Variants in ASIC2 observed in about 807,000 individuals in gnomAD.
ASIC2 encodes acid-sensing ion channel 2.
Under a neutral mutation model 57.3 loss-of-function variants are expected in ASIC2, and 25 were observed. The ratio of observed to expected loss-of-function variants is 0.44; its 90% confidence interval spans 0.32 to 0.61. The LOEUF is 0.61. ASIC2 is among the 20% of genes least tolerant of loss of function. ASIC2 has a pLI of 0.06. For missense variants in ASIC2, 641 were observed against 738.1 expected (o/e 0.87, Z 1.52); for synonymous variants, 319 against 307.5 (o/e 1.04, Z -0.39).
intron 1 of ASIC2, chr17:33,627,201 A>G (rs1906014177): frequency 6.6e-6 from 1 of 152,228 alleles, no homozygotes; most frequent in Admixed American, 6.5e-5. Flanking sequence ...GGGTTCAGCC[A>G]TTCCAGATTC....
intron 1 of ASIC2, among the ~76,000 whole-genome samples, chr17:33,319,325 G>A (rs1319459860): frequency 3.3e-5 from 5 of 152,132 alleles, no homozygotes; most frequent in African/African-American, 1.2e-4. Flanking sequence ...CTGCTTCAAG[G>A]GTCCATAGTA....
At chr17:33,918,326 T>G (rs1915633698) in intron 1 of ASIC2, among the ~76,000 whole-genome samples, 1 of 152,238 alleles carries the variant, frequency 6.6e-6, no homozygotes, top group Non-Finnish European at 1.5e-5. Context: ...AAAAGTTAGC[T>G]TTGTAACTTG....
intron 1 of ASIC2, among the ~76,000 whole-genome samples, chr17:33,664,956 C>G (rs909675727): frequency 1.3e-5 from 2 of 152,072 alleles, no homozygotes; most frequent in Admixed American, 1.3e-4. Context: ...AAAGAAAAAG[C>G]CCAAAAAGCT....
At chr17:33,394,084 C>A (rs1309612519) in intron 1 of ASIC2, among the ~76,000 whole-genome samples, 1 of 152,180 alleles carries the variant, frequency 6.6e-6, no homozygotes, top group Non-Finnish European at 1.5e-5. Flanking sequence ...ACACTGTAAG[C>A]TTTTAATAAA....
At chr17:33,051,198 A>G (rs16967972) in intron 3 of ASIC2, among the ~76,000 whole-genome samples, 60,201 of 151,972 alleles carry the variant, frequency 0.4, 13,102 homozygotes, top group East Asian at 0.65. Flanking sequence ...GAGGACAGGC[A>G]TATCATCACC....
chr17:33,121,005 T>A (rs1253097453), intron 1 of ASIC2, among the ~76,000 whole-genome samples: 3 of 152,248 alleles, frequency 2.0e-5, no homozygotes, highest in Non-Finnish European at 4.4e-5. Flanking sequence ...ATCTCAGCAA[T>A]GCTGGTAAGA....
chr17:33,537,347 C>T (rs938871619), intron 1 of ASIC2, among the ~76,000 whole-genome samples: 1 of 152,166 alleles, frequency 6.6e-6, no homozygotes, highest in Non-Finnish European at 1.5e-5. Context: ...TAAAATATCA[C>T]CTCCTCCTAG....
At chr17:33,775,149 G>C (rs556304664) in intron 1 of ASIC2, among the ~76,000 whole-genome samples, 1 of 152,340 alleles carries the variant, frequency 6.6e-6, no homozygotes, top group African/African-American at 2.4e-5. Flanking sequence ...TGAAGAACAG[G>C]GAGGGTTAAC....
chr17:33,041,361 C>T (rs1200125449), intron 3 of ASIC2, among the ~76,000 whole-genome samples: 2 of 152,210 alleles, frequency 1.3e-5, no homozygotes, highest in Non-Finnish European at 2.9e-5. Flanking sequence ...GTCCTTCATT[C>T]AAGATGGCAG....
intron 1 of ASIC2, among the ~76,000 whole-genome samples, chr17:33,726,361 T>C (rs771536565): frequency 6.6e-6 from 1 of 152,288 alleles, no homozygotes; most frequent in South Asian, 2.1e-4. Flanking sequence ...AGTCAGCTCA[T>C]AGAACCATGA....
At chr17:33,624,084 C>T (rs1905898873) in intron 1 of ASIC2, 2 of 152,126 alleles carry the variant, frequency 1.3e-5, no homozygotes, top group African/African-American at 4.8e-5. Context: ...TTTTACTCAC[C>T]CTAGCTCCTG....
At chr17:33,882,803 T>C (rs1914736274) in intron 1 of ASIC2, among the ~76,000 whole-genome samples, 2 of 152,198 alleles carry the variant, frequency 1.3e-5, no homozygotes, top group Non-Finnish European at 2.9e-5. Context: ...TAAAGACACA[T>C]GCACACGTAT....
At chr17:33,872,554 G>T (rs755991471) in intron 1 of ASIC2, among the ~76,000 whole-genome samples, 2 of 152,148 alleles carry the variant, frequency 1.3e-5, no homozygotes, top group South Asian at 2.1e-4. Context: ...GACCTGAGCA[G>T]CAGGGGCAGC....
rs1910679115 is a variant in ASIC2, at chr17:34,099,142, G to GAC, written c.555+56835_555+56836insGT. Among the ~76,000 whole-genome samples the GAC allele has an allele frequency of 1.9e-4, 4 of 20,888 alleles. No individual in the cohort carries two copies. The East Asian group carries it at 4.8e-3, about 25-fold the overall frequency. The allele number at this position is 20,888 out of a possible 152,430, so 13.7% of individuals were successfully genotyped here. A position where few individuals can be genotyped will look rare whatever the true frequency, so the allele number is the denominator to read the frequency against. The stretch of plus-strand genomic sequence containing the variant: ...AGAGAGAGAGAGAGAGAGAGAGAGA[G>GAC]AGACAGAGAGAGAGAGAGAGAGAAA... On this transcript the variant is annotated intron_variant, in intron 1 of 9. Coordinates refer to the ASIC2 transcript ENST00000359872.
intron 1 of ASIC2, among the ~76,000 whole-genome samples, chr17:33,369,802 T>C (rs999966654): frequency 5.3e-5 from 8 of 152,200 alleles, no homozygotes; most frequent in Non-Finnish European, 8.8e-5. Flanking sequence ...ATTAGTGCTG[T>C]TGTTGTTATT....
intron 1 of ASIC2, among the ~76,000 whole-genome samples, chr17:33,885,991 C>A (rs1914820466): frequency 1.3e-5 from 2 of 152,274 alleles, no homozygotes; most frequent in South Asian, 4.1e-4. Flanking sequence ...ATCTCAGTAC[C>A]TTGCATAAAG....
chr17:33,029,008 A>G (rs1210080842), intron 3 of ASIC2, among the ~76,000 whole-genome samples: 1 of 152,238 alleles, frequency 6.6e-6, no homozygotes, highest in Non-Finnish European at 1.5e-5. Flanking sequence ...TCAGAGGTCC[A>G]GTGATCATAA....
intron 1 of ASIC2, among the ~76,000 whole-genome samples, chr17:33,576,934 G>A (rs1916641709): frequency 6.6e-6 from 1 of 152,148 alleles, no homozygotes; most frequent in African/African-American, 2.4e-5. Context: ...GTTGTTGTAA[G>A]GGTTATATGC....
At chr17:33,321,087 T>C (rs1185191164) in intron 1 of ASIC2, among the ~76,000 whole-genome samples, 1 of 152,340 alleles carries the variant, frequency 6.6e-6, no homozygotes, top group East Asian at 1.9e-4. Flanking sequence ...GTTGAATATA[T>C]ACCTGGGAGC....
Sources: gnomAD v4.1 joint callset for allele counts (sites outside exome capture counted in the v4.1 genomes callset) on GRCh38, gnomAD v4.1.1 for gene constraint, MANE v1.5 for transcripts, NCBI Gene and HGNC (gene_info 2026-07-23, HGNC 2026-07-21) for gene names.